GAN: variants seen among roughly 807,000 people sequenced by gnomAD.
The protein encoded by GAN is epididymis secretory sperm binding protein.
In GAN, 48 loss-of-function variants were observed where a neutral mutation model predicts 71.3. That is an observed-to-expected ratio of 0.67 (90% CI 0.53 to 0.86). The LOEUF is 0.86. Ranked by LOEUF, GAN falls within the 40% of genes least tolerant of loss-of-function variation. The pLI is 0.00. For missense variants in GAN, 928 were observed against 770.1 expected, an observed-to-expected ratio of 1.21 and a Z score of -2.43; for synonymous variants, 386 against 276.8, an observed-to-expected ratio of 1.39 and a Z score of -3.92.
chr16:81,373,855 G>C (rs552458714), intron 9 of GAN, among the ~76,000 whole-genome samples: 92 of 152,284 alleles, frequency 6.0e-4, no homozygotes, highest in African/African-American at 2.1e-3. Flanking sequence ...TGATTCTCCT[G>C]CCTCAGCCTC....
chr16:81,373,334 T>A (rs1274072773), intron 9 of GAN, among the ~76,000 whole-genome samples: 1 of 152,234 alleles, frequency 6.6e-6, no homozygotes, highest in Non-Finnish European at 1.5e-5. Context: ...CACTGTGACC[T>A]GGCTATGCCT....
At chr16:81,364,594 C>T (rs1414514569) in intron 7 of GAN, among the ~76,000 whole-genome samples, 5 of 152,120 alleles carry the variant, frequency 3.3e-5, no homozygotes, top group African/African-American at 7.2e-5. Context: ...GAGGCTGAGG[C>T]GGAAGGATCT....
At chr16:81,368,000 C>G (rs1421043577) in intron 9 of GAN, among the ~76,000 whole-genome samples, 1 of 152,198 alleles carries the variant, frequency 6.6e-6, no homozygotes, top group Non-Finnish European at 1.5e-5. Flanking sequence ...ACTGTAGTTG[C>G]CGGATGAGCA....
intron 1 of GAN, among the ~76,000 whole-genome samples, chr16:81,344,455 A>G (rs1415438729): frequency 1.3e-5 from 2 of 152,198 alleles, no homozygotes; most frequent in Admixed American, 6.5e-5. Context: ...GGCCTCAGAA[A>G]TGACACCACA....
chr16:81,327,267 A>G (rs981319555), intron 1 of GAN, among the ~76,000 whole-genome samples: 1 of 152,214 alleles, frequency 6.6e-6, no homozygotes, highest in Admixed American at 6.5e-5. Flanking sequence ...TTCAGCTTCA[A>G]GTTGTTTGGA....
At chr16:81,372,156 A>T (rs1040445037) in intron 9 of GAN, 1 of 152,042 alleles carries the variant, frequency 6.6e-6, no homozygotes, top group Non-Finnish European at 1.5e-5. Flanking sequence ...AAAGCTTCAG[A>T]CTCAGGGCAG....
intron 1 of GAN, 102 bp from the exon 2 acceptor site, chr16:81,351,481 A>AT: frequency 1.4e-6 from 1 of 701,498 alleles, no homozygotes; most frequent in Non-Finnish European, 2.6e-6. Flanking sequence ...GGGGATTCAT[A>AT]TACTGATAAG....
chr16:81,321,979 G>T (rs1567478105), intron 1 of GAN, among the ~76,000 whole-genome samples: 1 of 152,168 alleles, frequency 6.6e-6, no homozygotes, highest in Non-Finnish European at 1.5e-5. Flanking sequence ...AAGATTCTAT[G>T]TCCATCTAGA....
rs1597416816 is a variant in GAN, at chr16:81,383,278, A to T, written c.*5682A>T. 1 of 99,126 alleles carries T rather than the reference A, an allele frequency of 1.0e-5. No individual in the cohort carries two copies. The highest frequency in any genetic ancestry group is 3.9e-5 in the African/African-American group (1 of 25,386). The allele number at this position is 99,126 out of a possible 1,614,324, so 6.1% of individuals were successfully genotyped here. ...TTTTTTTTTTTTTTTTTTGAGACGG[A>T]GTCTCGCTCTGTCGCCTAGGCTGGA... On this transcript the variant is annotated 3_prime_UTR_variant, in exon 11 of 11. Transcript: ENST00000648994.
intron 1 of GAN, among the ~76,000 whole-genome samples, chr16:81,336,021 AG>A (rs1372077682): frequency 6.6e-6 from 1 of 152,142 alleles, no homozygotes; most frequent in Non-Finnish European, 1.5e-5. Context: ...GTTCCCAGGC[AG>A]GTCACCAAGA....
rs370386028 is a variant in GAN, at chr16:81,379,736, T to C, written c.*2140T>C. The C allele has an allele frequency of 1.4e-4, 21 of 152,328 alleles. No homozygotes were observed. The highest frequency in any genetic ancestry group is 5.0e-4 in the African/African-American group (21 of 41,586). The allele number at this position is 152,328 out of a possible 1,614,324, so 9.4% of individuals were successfully genotyped here. On this transcript the variant is annotated 3_prime_UTR_variant, in exon 11 of 11. Transcript: ENST00000648994. ...GGGAACATTAAAACAGTAACTGACATCCAGTTAAAGCCACGATCGTCAGCA... is the reference window on the plus strand; with the variant it reads ...GGGAACATTAAAACAGTAACTGACACCCAGTTAAAGCCACGATCGTCAGCA...
chr16:81,364,869 C>G, intron 7 of GAN, 105 bp from the exon 8 acceptor site: 1 of 1,127,500 alleles, frequency 8.9e-7, no homozygotes, highest in Admixed American at 1.7e-5. Context: ...AGAAATCAAA[C>G]CCCTTCCTAA....
chr16:81,377,624 C>G lies in GAN; in HGVS notation c.*28C>G, dbSNP rs1400002944. 1.3e-6 allele frequency: 2 copies of G among 1,597,352 alleles called. No homozygotes were observed. Among genetic ancestry groups the G allele is most frequent in the Non-Finnish European group, 8.6e-7 (1 of 1,165,152 alleles). The stretch of plus-strand genomic sequence containing the variant: ...AGGAAGCAGAGCAGAGTGCGAGATC[C>G]TGACCCAAGAGCACCATAACATAGC... On this transcript the variant is annotated 3_prime_UTR_variant, in exon 11 of 11. Coordinates refer to ENST00000648994, the MANE Select transcript of GAN (RefSeq NM_022041.4).
chr16:81,363,303 G>A (rs1910740563), intron 6 of GAN, among the ~76,000 whole-genome samples: 1 of 152,210 alleles, frequency 6.6e-6, no homozygotes, highest in African/African-American at 2.4e-5. Flanking sequence ...GTTAAAAAGT[G>A]AGGATTTTCT....
At chr16:81,352,046 C>G (rs1029981806) in intron 2 of GAN, among the ~76,000 whole-genome samples, 5 of 152,106 alleles carry the variant, frequency 3.3e-5, no homozygotes, top group African/African-American at 1.2e-4. Flanking sequence ...GCTTTGTATC[C>G]ATATGACTGG....
intron 9 of GAN, among the ~76,000 whole-genome samples, chr16:81,374,695 G>C (rs1278955528): frequency 6.6e-6 from 1 of 152,138 alleles, no homozygotes; most frequent in Non-Finnish European, 1.5e-5. Context: ...CGTGTCCTTT[G>C]ACACACCCCC....
intron 1 of GAN, among the ~76,000 whole-genome samples, chr16:81,322,058 G>A (rs1333447065): frequency 6.6e-6 from 1 of 152,174 alleles, no homozygotes; most frequent in African/African-American, 2.4e-5. Context: ...ATCTTCCTAA[G>A]TACTTAGGGC....
intron 1 of GAN, among the ~76,000 whole-genome samples, chr16:81,324,785 A>T (rs938122665): frequency 1.3e-5 from 2 of 152,214 alleles, no homozygotes; most frequent in Non-Finnish European, 2.9e-5. Context: ...GGTGTATTTT[A>T]AAAGAGGAAT....
At chr16:81,375,906 A>G (rs1904278253) in intron 9 of GAN, among the ~76,000 whole-genome samples, 1 of 151,040 alleles carries the variant, frequency 6.6e-6, no homozygotes, top group Admixed American at 6.6e-5. Context: ...AGAGGTTGAG[A>G]CTGCAGTGAG....
Sources: gnomAD v4.1 joint callset for allele counts (sites outside exome capture counted in the v4.1 genomes callset) on GRCh38, gnomAD v4.1.1 for gene constraint, MANE v1.5 for transcripts, NCBI Gene and HGNC (gene_info 2026-07-23, HGNC 2026-07-21) for gene names.